RLF: variants seen among roughly 807,000 people sequenced by gnomAD.
RLF encodes zinc finger protein Rlf.
A neutral mutation model predicts 162.9 loss-of-function variants in RLF; 7 were observed. The observed-to-expected ratio is 0.04, with a 90% CI of 0.02 to 0.08. The LOEUF (loss-of-function observed/expected upper bound fraction) is 0.08, where lower values mean the gene tolerates loss of function less well. Among genes scored for constraint, RLF ranks in the 10% least tolerant of loss-of-function variants. The pLI, the probability that RLF is intolerant of heterozygous loss-of-function variation, is 1.00. For synonymous variants in RLF, 782 were observed against 791.5 expected (o/e 0.99, Z 0.20); for missense variants, 1,664 against 2,244.7 (o/e 0.74, Z 5.23).
chr1:40,227,464 A>G (rs1165756849), intron 6 of RLF, among the ~76,000 whole-genome samples: 1 of 152,198 alleles, frequency 6.6e-6, no homozygotes, highest in Non-Finnish European at 1.5e-5. Flanking sequence ...TACAGATTTG[A>G]ATGGATGATT....
At chr1:40,188,153 T>TA (rs1057160014) in intron 1 of RLF, among the ~76,000 whole-genome samples, 1 of 152,130 alleles carries the variant, frequency 6.6e-6, no homozygotes, top group Non-Finnish European at 1.5e-5. Flanking sequence ...AGAAGGAAGA[T>TA]ATATATGAAC....
chr1:40,203,275 T>C (rs934387638), intron 5 of RLF, among the ~76,000 whole-genome samples: 1 of 151,956 alleles, frequency 6.6e-6, no homozygotes, highest in Non-Finnish European at 1.5e-5. Flanking sequence ...CCACCATGCC[T>C]GGCTACTTTT....
intron 1 of RLF, among the ~76,000 whole-genome samples, chr1:40,172,816 T>C (rs1048275637): frequency 6.6e-6 from 1 of 152,078 alleles, no homozygotes; most frequent in African/African-American, 2.4e-5. Context: ...TGATGGATAC[T>C]TGCCTGTACT....
intron 6 of RLF, among the ~76,000 whole-genome samples, chr1:40,224,811 ACC>A (rs1441049201): frequency 1.4e-5 from 2 of 145,798 alleles, no homozygotes; most frequent in East Asian, 4.2e-4. Flanking sequence ...ACATGGTGAA[ACC>A]CCGTCTCTAC....
chr1:40,188,977 C>G, intron 1 of RLF, 78 bp from the exon 2 acceptor site: 1 of 942,530 alleles, frequency 1.1e-6, no homozygotes, highest in South Asian at 1.9e-5. Context: ...AATGGGAGAG[C>G]TATGTGGTGT....
chr1:40,236,584 A>G lies in RLF; in HGVS notation c.1882A>G (p.Ile628Val). ...ACTGTTAAAAGGCTCTCAAAAGGGT[A>G]TTTGTCCTAAGAGCCCCTCTGCAAT... ...KLLLKGSQKG[I>V]CPKSPSAIPE... is the part of the protein sequence containing the mutation. Residue 628 changes from isoleucine (I) to valine (V), a missense_variant, in exon 8 of 8, where the codon ATT (isoleucine) becomes GTT (valine). By Grantham distance (29) the Ile-to-Val change is conservative (BLOSUM62 3). This residue lies in a region of RLF where 50 missense variants were observed against 46.7 expected (regional missense o/e 1.07). Coordinates refer to ENST00000372771, the MANE Select transcript of RLF (RefSeq NM_012421.4). The surrounding 1 kb of genome is among the most constrained non-coding windows in gnomAD (Gnocchi z 7.7). 6.2e-7 allele frequency: 1 copy of G among 1,614,140 alleles called. No individual in the cohort carries two copies. Among genetic ancestry groups the G allele is most frequent in the Non-Finnish European group, 8.5e-7 (1 of 1,179,998 alleles).
In RLF at chr1:40,237,222, TGAG is replaced by T. The variant is rs1452289497; in HGVS notation, c.2524_2526del (p.Glu842del). 3 of 1,613,944 alleles carry T rather than the reference TGAG, an allele frequency of 1.9e-6. No homozygotes were observed. The highest frequency in any genetic ancestry group is 2.5e-6 in the Non-Finnish European group (3 of 1,179,942). On this transcript the variant is annotated inframe_deletion, in exon 8 of 8. Coordinates refer to ENST00000372771, the MANE Select transcript of RLF (RefSeq NM_012421.4). The surrounding 1 kb of genome is among the most constrained non-coding windows in gnomAD (Gnocchi z 4.4). The stretch of plus-strand genomic sequence containing the variant: ...GAGACATAAAGAAATCAGTGAAACT[TGAG>T]GAGTCTGCAACAGGTGAAAAGCAAG...
chr1:40,235,097 T>A (rs1348292510), intron 7 of RLF, among the ~76,000 whole-genome samples: 1 of 149,250 alleles, frequency 6.7e-6, no homozygotes, highest in African/African-American at 2.5e-5. Flanking sequence ...GTTTTGCTCT[T>A]GTTGCCCAGG....
At chr1:40,191,359 G>A (rs1321219088) in intron 3 of RLF, among the ~76,000 whole-genome samples, 2 of 152,090 alleles carry the variant, frequency 1.3e-5, no homozygotes, top group African/African-American at 4.8e-5. Context: ...CCAACATGCC[G>A]AAACCCTGTC....
At chr1:40,168,718 C>G (rs1642198897) in intron 1 of RLF, among the ~76,000 whole-genome samples, 1 of 152,142 alleles carries the variant, frequency 6.6e-6, no homozygotes, top group Non-Finnish European at 1.5e-5. Context: ...TTTGGCCGTG[C>G]ACGGTGGCTC....
At position 40,161,513 on chromosome 1, in the gene RLF, C is replaced by G. The variant is rs903225426; in HGVS notation, c.114C>G (p.Arg38=). 3.1e-6 allele frequency: 5 copies of G among 1,605,160 alleles called. No individual in the cohort carries two copies. Among genetic ancestry groups the G allele is most frequent in the Non-Finnish European group, 4.2e-6 (5 of 1,176,498 alleles). Residue 38 remains arginine (R), a synonymous_variant, in exon 1 of 8, where the codon CGC becomes CGG. Transcript: ENST00000372771. This position sits in a 1 kb window ranked among gnomAD's most constrained non-coding sequence, Gnocchi z 4.4. ...CTGAGTCCATGGTTCGGGGTCATCGCCCCGTATCTCCAGCGCCGGGAGCCT... is the reference window on the plus strand; with the variant it reads ...CTGAGTCCATGGTTCGGGGTCATCGGCCCGTATCTCCAGCGCCGGGAGCCT... ...VETESMVRGH[R]PVSPAPGASG... is the part of the protein sequence containing the mutation.
At chr1:40,180,977 AGC>A (rs1642398492) in intron 1 of RLF, among the ~76,000 whole-genome samples, 1 of 152,184 alleles carries the variant, frequency 6.6e-6, no homozygotes, top group African/African-American at 2.4e-5. Context: ...AATGTAATGA[AGC>A]TATTTATCTA....
At chr1:40,206,991 A>G (rs1642806165) in intron 5 of RLF, among the ~76,000 whole-genome samples, 1 of 152,200 alleles carries the variant, frequency 6.6e-6, no homozygotes. Context: ...TTATAAATAT[A>G]TACTAACCCA....
At chr1:40,170,275 A>T (rs902190503) in intron 1 of RLF, among the ~76,000 whole-genome samples, 1 of 151,020 alleles carries the variant, frequency 6.6e-6, no homozygotes, top group Non-Finnish European at 1.5e-5. Context: ...TTTTTTTGAG[A>T]CAGGGTCTTG....
chr1:40,170,364 G>A (rs948035071), intron 1 of RLF, among the ~76,000 whole-genome samples: 1 of 152,022 alleles, frequency 6.6e-6, no homozygotes, highest in African/African-American at 2.4e-5. Flanking sequence ...CCAGGCTTAG[G>A]CAGTTGTCCC....
At chr1:40,190,073 T>A (rs1468441014) in intron 2 of RLF, among the ~76,000 whole-genome samples, 1 of 152,168 alleles carries the variant, frequency 6.6e-6, no homozygotes, top group Non-Finnish European at 1.5e-5. Flanking sequence ...ATTCCTGGTT[T>A]TATGATCATA....
chr1:40,190,399 ATCATTTT>A (rs1642539917), intron 2 of RLF, among the ~76,000 whole-genome samples: 1 of 152,162 alleles, frequency 6.6e-6, no homozygotes, highest in South Asian at 2.1e-4. Flanking sequence ...TTTATCATTT[ATCATTTT>A]ATCAGCTGAA....
At chr1:40,219,542 G>C (rs913637470) in intron 5 of RLF, among the ~76,000 whole-genome samples, 1 of 152,186 alleles carries the variant, frequency 6.6e-6, no homozygotes, top group Non-Finnish European at 1.5e-5. Context: ...TATTAGCTCA[G>C]ATAAGTGGGT....
chr1:40,198,024 A>C (rs1642660236), intron 4 of RLF, among the ~76,000 whole-genome samples: 1 of 152,010 alleles, frequency 6.6e-6, no homozygotes, highest in Non-Finnish European at 1.5e-5. Flanking sequence ...TTTTTTTGAA[A>C]TGGAGTTTCG....
Sources: allele counts gnomAD v4.1 joint callset (sites outside exome capture counted in the v4.1 genomes callset), GRCh38; gene constraint gnomAD v4.1.1; regional missense constraint gnomAD v4.1.1; non-coding constraint Gnocchi (gnomAD v3.1); transcripts MANE v1.5; gene names NCBI Gene and HGNC (gene_info 2026-07-23, HGNC 2026-07-21).